NUP153: variants seen among roughly 807,000 people sequenced by gnomAD.
The protein encoded by NUP153 is nuclear pore complex protein Nup153.
A neutral mutation model predicts 134.6 loss-of-function variants in NUP153; 27 were observed. The ratio of observed to expected loss-of-function variants is 0.20; its 90% CI spans 0.15 to 0.28. The LOEUF (loss-of-function observed/expected upper bound fraction) is 0.28, where lower values mean the gene tolerates loss of function less well. Ranked by LOEUF, NUP153 falls within the 10% of genes least tolerant of loss-of-function variation. The pLI, the probability that NUP153 is intolerant of heterozygous loss-of-function variation, is 1.00. For missense variants in NUP153, 1,821 were observed against 1,731.3 expected (o/e 1.05, Z -0.92); for synonymous variants, 640 against 623.5 (o/e 1.03, Z -0.40).
intron 18 of NUP153, among the ~76,000 whole-genome samples, chr6:17,626,447 T>A (rs1581665405): frequency 2.0e-5 from 3 of 152,240 alleles, no homozygotes; most frequent in Admixed American, 6.5e-5. Flanking sequence ...TCTAACTGGA[T>A]ACTGTAGTTG....
intron 20 of NUP153, among the ~76,000 whole-genome samples, chr6:17,623,691 T>C (rs1764770128): frequency 6.6e-6 from 1 of 152,176 alleles, no homozygotes; most frequent in African/African-American, 2.4e-5. Flanking sequence ...TCTATGGCAA[T>C]GACAATAAAC....
chr6:17,635,127 T>TTG (rs1491047979), intron 16 of NUP153, among the ~76,000 whole-genome samples: 1 of 112,978 alleles, frequency 8.9e-6, no homozygotes, highest in Non-Finnish European at 1.8e-5. Flanking sequence ...TTTTTTTTTT[T>TTG]GAGACGGAGT....
intron 1 of NUP153, among the ~76,000 whole-genome samples, chr6:17,690,244 C>T (rs1013157850): frequency 3.4e-5 from 4 of 117,326 alleles, no homozygotes; most frequent in African/African-American, 7.7e-5. Flanking sequence ...CCCAGCTACT[C>T]GGGAGGCTGA....
intron 14 of NUP153, among the ~76,000 whole-genome samples, chr6:17,644,050 T>C (rs1359837251): frequency 6.6e-6 from 1 of 151,912 alleles, no homozygotes; most frequent in East Asian, 1.9e-4. Flanking sequence ...TGTTAGCCAA[T>C]TAAAAAAAAA....
chr6:17,687,702 C>CA (rs1334174741), intron 2 of NUP153, among the ~76,000 whole-genome samples: 8 of 151,828 alleles, frequency 5.3e-5, no homozygotes, highest in African/African-American at 1.9e-4. Context: ...CATAGGGCTA[C>CA]AAAAAGTTTT....
In NUP153 at chr6:17,637,466, G is replaced by C. The variant is rs143824475; in HGVS notation, c.2151C>G (p.Asp717Glu). 3,775 of 1,614,204 alleles carry C rather than the reference G, an allele frequency of 2.3e-3. 2 individuals are homozygous for C. Among genetic ancestry groups the C allele is most frequent in the Non-Finnish European group, 2.9e-3 (3,392 of 1,180,024 alleles). The change falls in exon 16 of 22, where the codon GAC becomes GAG. Residue 717 changes from aspartate (D) to glutamate (E), a missense_variant. By Grantham distance (45) the Asp-to-Glu change is conservative. Coordinates refer to ENST00000262077, the MANE Select transcript of NUP153 (RefSeq NM_005124.4). The stretch of plus-strand genomic sequence containing the variant: ...AAGTGCCTATCACTGGTTTAAATTT[G>C]TCTCCAAAGCCTGTCCCTGATGCAG... The part of the protein sequence containing the change: ...TLSASGTGFG[D>E]KFKPVIGTWD...
Position 17,675,235 on chromosome 6 carries a change from A to G in NUP153, c.717T>C (p.Leu239=). ...CAACCCAGTTAGTACTCACAGGGGAAAGTGTTCCAAAGGCAGACAAGTTGA... is the reference window on the plus strand; with the variant it reads ...CAACCCAGTTAGTACTCACAGGGGAGAGTGTTCCAAAGGCAGACAAGTTGA... ...PAFNLSAFGT[L]SPSLGNSSIL... Residue 239 remains leucine, a synonymous_variant, in exon 4 of 22, where the codon CTT becomes CTC. Transcript: ENST00000262077. This position sits in a 1 kb window ranked among gnomAD's most constrained non-coding sequence, Gnocchi z 4.4. The G allele has an allele frequency of 6.2e-7, 1 of 1,614,180 alleles. No individual in the cohort carries two copies. Among genetic ancestry groups the G allele is most frequent in the Non-Finnish European group, 8.5e-7 (1 of 1,180,022 alleles).
At chr6:17,674,825 A>G in intron 5 of NUP153, 80 bp downstream of exon 5, 2 of 1,102,846 alleles carry the variant, frequency 1.8e-6, no homozygotes, top group East Asian at 5.4e-5. Flanking sequence ...TATTTTTTTG[A>G]GCACAAAGTA....
chr6:17,618,995 C>T (rs2113759022), intron 20 of NUP153, among the ~76,000 whole-genome samples: 1 of 152,148 alleles, frequency 6.6e-6, no homozygotes, highest in Admixed American at 6.5e-5. Flanking sequence ...GAAAATTCCC[C>T]AAAATGGAAG....
chr6:17,694,319 G>C (rs569061651), intron 1 of NUP153, among the ~76,000 whole-genome samples: 1 of 152,142 alleles, frequency 6.6e-6, no homozygotes, highest in East Asian at 1.9e-4. Context: ...CCCTTTTCTG[G>C]TCCATTTATG....
rs750264561 is a variant in NUP153, at chr6:17,675,487, T to C, written c.583+35A>G. ...AAAAACCCATAAAATTTAATGTTAC[T>C]ACCCAAATTATGTACTACCACATGT... is the stretch of plus-strand genomic sequence containing the variant. On this transcript the variant is annotated intron_variant, in intron 3 of 21. Coordinates refer to ENST00000262077, the MANE Select transcript of NUP153 (RefSeq NM_005124.4). This position sits in a 1 kb window ranked among gnomAD's most constrained non-coding sequence, Gnocchi z 4.4. 13 of 1,606,428 alleles carry C rather than the reference T, an allele frequency of 8.1e-6. No homozygotes were observed. Among genetic ancestry groups the C allele is most frequent in the Non-Finnish European group, 1.0e-5 (12 of 1,176,024 alleles).
chr6:17,619,735 C>G (rs1764548327), intron 20 of NUP153: 1 of 152,166 alleles, frequency 6.6e-6, no homozygotes, highest in Admixed American at 6.5e-5. Context: ...AATGGCCATA[C>G]TACTCAAAGC....
At position 17,638,689 on chromosome 6, in the gene NUP153, CA is replaced by C. The variant is rs527402383; in HGVS notation, c.1847-920del. On this transcript the variant is annotated intron_variant, in intron 15 of 21. Transcript: ENST00000262077. The surrounding 1 kb of genome is among the most constrained non-coding windows in gnomAD (Gnocchi z 4.0). The stretch of plus-strand genomic sequence containing the variant: ...ATTTCAGTCAAATGAAGATTCTCCC[CA>C]AACATTTCCTATTTAAGAAGTAAAA... Among the ~76,000 whole-genome samples, 142 of 152,272 alleles carry C rather than the reference CA, an allele frequency of 9.3e-4. 3 individuals are homozygous for C. The South Asian group carries it at 0.028, about 30-fold the overall frequency.
chr6:17,630,619 C>T (rs77945401), intron 17 of NUP153, among the ~76,000 whole-genome samples: 6,186 of 151,704 alleles, frequency 0.041, 393 homozygotes, highest in East Asian at 0.29. Context: ...GCCAAGATTG[C>T]GCCACAGCAC....
intron 20 of NUP153, among the ~76,000 whole-genome samples, chr6:17,617,655 C>T (rs777311171): frequency 4.0e-5 from 6 of 151,892 alleles, no homozygotes; most frequent in South Asian, 2.1e-4. Flanking sequence ...ACAACCTAGG[C>T]AACATGGCGA....
Position 17,669,034 on chromosome 6 carries a change from AAAAAAAAAAAACACTATTAGAAT to A in NUP153, c.1015-29_1015-7del. ...ATCCCACTCCTATCAAGAGGCTGAA[AAAAAAAAAAAACACTATTAGAAT>A]AGATGGGGAGTTATGAAAAATACCT... On this transcript the variant is annotated splice_polypyrimidine_tract_variant and splice_region_variant and intron_variant, in intron 7 of 21. Transcript: ENST00000262077. The A allele has an allele frequency of 6.7e-7, 1 of 1,483,430 alleles. No homozygotes were observed. The highest frequency in any genetic ancestry group is 9.0e-7 in the Non-Finnish European group (1 of 1,112,692). 91.9% of individuals were successfully genotyped at this position (1,483,430 alleles called of 1,614,324 possible).
chr6:17,691,845 T>A (rs1399909672), intron 1 of NUP153, among the ~76,000 whole-genome samples: 1 of 152,228 alleles, frequency 6.6e-6, no homozygotes, highest in East Asian at 1.9e-4. Context: ...CAGAGACCTG[T>A]GTCATACCAG....
intron 1 of NUP153, among the ~76,000 whole-genome samples, chr6:17,705,033 A>G (rs1317795702): frequency 6.6e-6 from 1 of 152,244 alleles, no homozygotes; most frequent in Non-Finnish European, 1.5e-5. Flanking sequence ...CTGGGATTAC[A>G]GGCGTGAGCC....
rs142978088 is a variant in NUP153, at chr6:17,638,049, T to C, written c.1847-279A>G. On this transcript the variant is annotated intron_variant, in intron 15 of 21. Transcript: ENST00000262077. This position sits in a 1 kb window ranked among gnomAD's most constrained non-coding sequence, Gnocchi z 4.0. ...GTTTGATGCTTTCAATGGTACTAAT[T>C]TACTGATATGTATTATTGCCATCCA... 1.3e-5 allele frequency among the ~76,000 whole-genome samples: 2 copies of C among 152,342 alleles called. No homozygotes were observed. The highest frequency in any genetic ancestry group is 3.9e-4 in the East Asian group (2 of 5,184).
Sources: gnomAD v4.1 joint callset for allele counts (sites outside exome capture counted in the v4.1 genomes callset) on GRCh38, gnomAD v4.1.1 for gene constraint, Gnocchi (gnomAD v3.1) non-coding constraint, MANE v1.5 for transcripts, NCBI Gene and HGNC (gene_info 2026-07-23, HGNC 2026-07-21) for gene names.